FOXP2: variants seen among roughly 807,000 people sequenced by gnomAD.
FOXP2 encodes forkhead box P2.
Under a neutral mutation model 115.8 loss-of-function variants are expected in FOXP2, and 12 were observed. That is an observed-to-expected ratio of 0.10 (90% CI 0.07 to 0.17). FOXP2 has a LOEUF of 0.17. Among genes scored for constraint, FOXP2 ranks in the 10% least tolerant of loss-of-function variants. FOXP2 has a pLI of 1.00. For missense variants in FOXP2, 629 were observed against 843.5 expected (o/e 0.75, Z 3.15); for synonymous variants, 328 against 297.7 (o/e 1.10, Z -1.05).
chr7:114,510,447 A>G (rs1025821260), intron 2 of FOXP2, among the ~76,000 whole-genome samples: 10 of 152,212 alleles, frequency 6.6e-5, no homozygotes, highest in Non-Finnish European at 1.5e-4. Flanking sequence ...GATAAGAAGA[A>G]GAATACAAGA....
chr7:114,179,353 G>A (rs1584527388), intron 1 of FOXP2, among the ~76,000 whole-genome samples: 1 of 151,846 alleles, frequency 6.6e-6, no homozygotes, highest in Non-Finnish European at 1.5e-5. Flanking sequence ...TTTATATGCA[G>A]ATCCTTACCT....
chr7:114,568,740 A>G lies in FOXP2; in HGVS notation c.258+34034A>G, dbSNP rs149691834. ...TTAAATTACCATTTAAGGGATGTTT[A>G]TGTTTAAGGGATCAGTAGCATTAAC... On this transcript the variant is annotated intron_variant, in intron 3 of 16. Transcript: ENST00000350908. Among the ~76,000 whole-genome samples, 242 of 151,912 alleles carry G rather than the reference A, an allele frequency of 1.6e-3. 1 individual carries two copies. Among genetic ancestry groups the G allele is most frequent in the African/African-American group, 5.5e-3 (230 of 41,488 alleles).
intron 1 of FOXP2, among the ~76,000 whole-genome samples, chr7:114,091,123 C>T (rs1203205718): frequency 6.6e-6 from 1 of 151,792 alleles, no homozygotes; most frequent in Admixed American, 6.6e-5. Context: ...TTGCTTACTT[C>T]CCTCTAAGTA....
At chr7:114,142,553 T>C (rs1464000861) in intron 1 of FOXP2, among the ~76,000 whole-genome samples, 2 of 152,154 alleles carry the variant, frequency 1.3e-5, no homozygotes, top group Non-Finnish European at 2.9e-5. Flanking sequence ...TAGAAAAGTG[T>C]GGAAAGTAAG....
chr7:114,385,563 C>G (rs369118065), intron 2 of FOXP2, among the ~76,000 whole-genome samples: 3 of 152,074 alleles, frequency 2.0e-5, no homozygotes, highest in African/African-American at 7.2e-5. Flanking sequence ...GGCAGACAAA[C>G]GTCCGCAGTA....
At chr7:114,426,460 A>G (rs895409349) in intron 1 of FOXP2, 42 bp from the exon 2 acceptor site, 9 of 1,569,802 alleles carry the variant, frequency 5.7e-6, no homozygotes. Context: ...GGAAGTGTGA[A>G]GGTGTAACGT....
At chr7:114,227,846 A>G (rs1794779944) in intron 1 of FOXP2, among the ~76,000 whole-genome samples, 1 of 151,986 alleles carries the variant, frequency 6.6e-6, no homozygotes, top group Admixed American at 6.6e-5. Context: ...TATACTTTCT[A>G]GAGATGGTCC....
At chr7:114,679,529 TTAA>T (rs1305549487) in intron 16 of FOXP2, among the ~76,000 whole-genome samples, 1 of 152,122 alleles carries the variant, frequency 6.6e-6, no homozygotes, top group Non-Finnish European at 1.5e-5. Flanking sequence ...TGAGCAGAGA[TTAA>T]ATTTAAACAT....
rs138461743 is a variant in FOXP2 at position 114,507,542 on chromosome 7, A to G, written c.169-27075A>G. ...GAGAAATAAACAAATTAGGAAATTA[A>G]TTTTTTCGCAAAAAAATGAAAAGTC... On this transcript the variant is annotated intron_variant, in intron 2 of 16. Transcript: ENST00000350908. 2.7e-3 allele frequency among the ~76,000 whole-genome samples: 409 copies of G among 152,066 alleles called. 3 individuals carry two copies. Among genetic ancestry groups the G allele is most frequent in the African/African-American group, 9.5e-3 (395 of 41,538 alleles).
chr7:114,231,369 A>C (rs1264994683), intron 1 of FOXP2, among the ~76,000 whole-genome samples: 2 of 152,194 alleles, frequency 1.3e-5, no homozygotes, highest in East Asian at 3.8e-4. Context: ...TAGAACAAGC[A>C]ATTCTGAAAT....
At chr7:114,630,586 A>G (rs1804847975) in intron 5 of FOXP2, 2 of 158,266 alleles carry the variant, frequency 1.3e-5, no homozygotes, top group African/African-American at 4.8e-5. Context: ...CAAACAAAAC[A>G]TGTTGAAGTA....
intron 1 of FOXP2, among the ~76,000 whole-genome samples, chr7:114,205,834 A>C (rs984252001): frequency 6.6e-6 from 1 of 152,120 alleles, no homozygotes; most frequent in Admixed American, 6.5e-5. Flanking sequence ...GATGAAGGCT[A>C]TTCTAGAAAG....
chr7:114,610,503 G>T (rs1045315623), intron 3 of FOXP2, among the ~76,000 whole-genome samples: 1 of 152,028 alleles, frequency 6.6e-6, no homozygotes, highest in Non-Finnish European at 1.5e-5. Flanking sequence ...TGTTAACATT[G>T]TACATACATG....
intron 3 of FOXP2, among the ~76,000 whole-genome samples, chr7:114,594,333 C>G (rs1802590420): frequency 6.6e-6 from 1 of 151,988 alleles, no homozygotes; most frequent in Non-Finnish European, 1.5e-5. Flanking sequence ...CATTGGGCTA[C>G]CCACCTCACC....
chr7:114,233,009 T>A (rs922613295), intron 1 of FOXP2, among the ~76,000 whole-genome samples: 2 of 152,112 alleles, frequency 1.3e-5, no homozygotes, highest in African/African-American at 4.8e-5. Flanking sequence ...GCAGGAGCTA[T>A]GAGGAGGAGA....
chr7:114,094,935 G>A (rs1441200339), intron 1 of FOXP2, among the ~76,000 whole-genome samples: 1 of 152,140 alleles, frequency 6.6e-6, no homozygotes, highest in Non-Finnish European at 1.5e-5. Flanking sequence ...CCCCTTAAAT[G>A]CCCAGTGTCC....
intron 2 of FOXP2, among the ~76,000 whole-genome samples, chr7:114,377,289 A>G (rs1424560610): frequency 6.6e-6 from 1 of 152,210 alleles, no homozygotes; most frequent in Non-Finnish European, 1.5e-5. Flanking sequence ...AACACTAGGT[A>G]TTAAGAAGTC....
At chr7:114,446,824 C>T (rs945007537) in intron 2 of FOXP2, among the ~76,000 whole-genome samples, 2 of 151,200 alleles carry the variant, frequency 1.3e-5, no homozygotes, top group African/African-American at 4.9e-5. Context: ...TCTCAGCTCA[C>T]TGCAGCCTCC....
intron 2 of FOXP2, among the ~76,000 whole-genome samples, chr7:114,290,990 AAAT>A (rs1796575438): frequency 6.6e-6 from 1 of 152,168 alleles, no homozygotes; most frequent in Non-Finnish European, 1.5e-5. Context: ...GCCACATGGA[AAAT>A]ACCCTGTATA....
Sources: allele counts gnomAD v4.1 joint callset (sites outside exome capture counted in the v4.1 genomes callset), GRCh38; gene constraint gnomAD v4.1.1; transcripts MANE v1.5; gene names NCBI Gene and HGNC (gene_info 2026-07-23, HGNC 2026-07-21).